Variants in ACVR2B observed in about 807,000 individuals in gnomAD.
ACVR2B encodes the protein activin A receptor type 2B, also known as activin receptor type-2B.
In ACVR2B, 18 loss-of-function variants were observed where a neutral mutation model predicts 65.1. The observed-to-expected ratio is 0.28, with a 90% CI of 0.19 to 0.41. ACVR2B has a LOEUF of 0.41. Among genes scored for constraint, ACVR2B ranks in the 10% least tolerant of loss-of-function variants. The probability of loss-of-function intolerance (pLI) is 1.00; values close to 1 mark genes in which losing one functional copy is unlikely to be tolerated. For synonymous variants in ACVR2B, 298 were observed against 277.7 expected, an observed-to-expected ratio of 1.07 and a Z score of -0.73; for missense variants, 482 against 682.7, an observed-to-expected ratio of 0.71 and a Z score of 3.28.
At position 38,454,392 on chromosome 3, in the gene ACVR2B, CG is replaced by C; in HGVS notation, c.52+19del. On this transcript the variant is annotated intron_variant, in intron 1 of 10. Transcript: ENST00000352511. ...GTGCGCCGGTAAGAACTGGGCGCGG[CG>C]CGGGGACGCCGAGAGGGCGCGCGGG... 1 of 1,248,418 alleles carries C rather than the reference CG, an allele frequency of 8.0e-7. No homozygotes were observed. Among genetic ancestry groups the C allele is most frequent in the Non-Finnish European group, 1.0e-6 (1 of 996,534 alleles). The allele number at this position is 1,248,418 out of a possible 1,614,324, so 77.3% of individuals were successfully genotyped here.
At chr3:38,462,709 A>G (rs2125714150) in intron 1 of ACVR2B, among the ~76,000 whole-genome samples, 1 of 152,332 alleles carries the variant, frequency 6.6e-6, no homozygotes. Context: ...TTAAATATAG[A>G]CTACATTTTA....
intron 1 of ACVR2B, among the ~76,000 whole-genome samples, chr3:38,458,945 G>C (rs1483795152): frequency 6.6e-6 from 1 of 152,078 alleles, no homozygotes; most frequent in Non-Finnish European, 1.5e-5. Context: ...ATATTTAGCA[G>C]TATCCCCGCC....
At chr3:38,458,294 C>T (rs1191255231) in intron 1 of ACVR2B, among the ~76,000 whole-genome samples, 2 of 152,150 alleles carry the variant, frequency 1.3e-5, no homozygotes, top group African/African-American at 4.8e-5. Context: ...TCATAGACCC[C>T]TCTGAGAATC....
Position 38,488,042 on chromosome 3 carries a change from A to G in ACVR2B, c.*4710A>G, listed in dbSNP as rs987977214. On this transcript the variant is annotated 3_prime_UTR_variant, in exon 11 of 11. Transcript: ENST00000352511. ...CCCTTCATCCTGGGCGAACAGCCAA[A>G]AAGAGAAGGGGACAAGGTGTCTTTT... is the stretch of plus-strand genomic sequence containing the variant. The G allele has an allele frequency of 2.0e-5, 3 of 152,242 alleles. No homozygotes were observed. Among genetic ancestry groups the G allele is most frequent in the African/African-American group, 7.2e-5 (3 of 41,458 alleles). 9.4% of individuals were successfully genotyped at this position (152,242 alleles called of 1,614,324 possible). A position where few individuals can be genotyped will look rare whatever the true frequency, so the allele number is the denominator to read the frequency against.
rs1394699998 is a variant in ACVR2B at position 38,492,673 on chromosome 3, A to G, written c.*9341A>G. Reference sequence around the variant, plus strand: ...AAATATATATATATATACAGAGTTAAGCTTGTTGCTGTTACCCTGTCTGGA... The same window carrying G: ...AAATATATATATATATACAGAGTTAGGCTTGTTGCTGTTACCCTGTCTGGA... On this transcript the variant is annotated 3_prime_UTR_variant, in exon 11 of 11. Transcript: ENST00000352511. 1 of 150,026 alleles carries G rather than the reference A, an allele frequency of 6.7e-6. No individual in the cohort carries two copies. The allele number at this position is 150,026 out of a possible 1,614,324, so 9.3% of individuals were successfully genotyped here.
chr3:38,480,334 C>G (rs1471628639), intron 7 of ACVR2B, among the ~76,000 whole-genome samples: 2 of 152,130 alleles, frequency 1.3e-5, no homozygotes, highest in Non-Finnish European at 2.9e-5. Flanking sequence ...TCTTAGAGAT[C>G]TTCTGGGGTC....
intron 1 of ACVR2B, among the ~76,000 whole-genome samples, chr3:38,458,117 A>G (rs1175718231): frequency 6.6e-6 from 1 of 152,112 alleles, no homozygotes. Context: ...TCTAAACCCT[A>G]TGGCCTCCCA....
chr3:38,454,368 TG>T lies in ACVR2B; in HGVS notation c.47del (p.Cys16SerfsTer58). 7.8e-7 allele frequency: 1 copy of T among 1,275,606 alleles called. No homozygotes were observed. Among genetic ancestry groups the T allele is most frequent in the Non-Finnish European group, 9.9e-7 (1 of 1,012,930 alleles). 79.0% of individuals were successfully genotyped at this position (1,275,606 alleles called of 1,614,324 possible). A position where few individuals can be genotyped will look rare whatever the true frequency, so the allele number is the denominator to read the frequency against. On this transcript the variant is annotated frameshift_variant, in exon 1 of 11. Transcript: ENST00000352511. LOFTEE classifies it high-confidence loss of function. ...VALALLWGSL[C>X]AGSGRGEAET... ...CCTCGCCCTCCTCTGGGGATCGCTG[TG>T]CGCCGGTAAGAACTGGGCGCGGCGC...
At chr3:38,480,574 CTG>C (rs1710000768) in intron 7 of ACVR2B, among the ~76,000 whole-genome samples, 1 of 152,188 alleles carries the variant, frequency 6.6e-6, no homozygotes, top group African/African-American at 2.4e-5. Flanking sequence ...GGTTCTGTGA[CTG>C]TGAGGGAGGG....
At chr3:38,454,551 T>C (rs945228153) in intron 1 of ACVR2B, 177 bp downstream of exon 1, 4 of 460,818 alleles carry the variant, frequency 8.7e-6, no homozygotes, top group South Asian at 1.1e-4. Context: ...CTCGCCGAAC[T>C]TGGGGGCACG....
In ACVR2B at chr3:38,481,015, A is replaced by C. The variant is rs1710007901; in HGVS notation, c.960-336A>C. 6.6e-6 allele frequency among the ~76,000 whole-genome samples: 1 copy of C among 152,218 alleles called. No individual in the cohort carries two copies. Among genetic ancestry groups the C allele is most frequent in the Non-Finnish European group, 1.5e-5 (1 of 68,030 alleles). ...TGTAAATTCTTCTCAGAAAACTTGC[A>C]TCCCAGGCCAGTGTGCCTGTCCACA... On this transcript the variant is annotated intron_variant, in intron 7 of 10. Transcript: ENST00000352511. The surrounding 1 kb of genome is among the most constrained non-coding windows in gnomAD (Gnocchi z 4.7).
At chr3:38,470,940 A>C (rs1252423094) in intron 1 of ACVR2B, among the ~76,000 whole-genome samples, 1 of 152,252 alleles carries the variant, frequency 6.6e-6, no homozygotes, top group Non-Finnish European at 1.5e-5. Context: ...CCCAGTAATC[A>C]TATATATAAA....
rs986032730 is a variant in ACVR2B at position 38,488,753 on chromosome 3, C to T, written c.*5421C>T. ...TCCTATGGCAGCTCATAGAGGTAAC[C>T]GAAGTGATTTTTCCTCAGTAATTGA... On this transcript the variant is annotated 3_prime_UTR_variant, in exon 11 of 11. Transcript: ENST00000352511. 2.6e-5 allele frequency: 4 copies of T among 152,102 alleles called. No homozygotes were observed. The highest frequency in any genetic ancestry group is 1.9e-4 in the East Asian group (1 of 5,190). The allele number at this position is 152,102 out of a possible 1,614,324, so 9.4% of individuals were successfully genotyped here. A position where few individuals can be genotyped will look rare whatever the true frequency, so the allele number is the denominator to read the frequency against.
Position 38,478,086 on chromosome 3 carries a change from C to T in ACVR2B, c.371-55C>T. The T allele has an allele frequency of 2.5e-6, 4 of 1,607,066 alleles. No individual in the cohort carries two copies. The South Asian group carries it at 4.4e-5, about 18-fold the overall frequency. ...GGCTACAGGGCCCTGTAGTCTGGCT[C>T]TGGAAGTGTGAGGGTGGGCAGACTG... On this transcript the variant is annotated intron_variant, in intron 3 of 10. Transcript: ENST00000352511.
chr3:38,468,132 A>C (rs888487167), intron 1 of ACVR2B, among the ~76,000 whole-genome samples: 1 of 152,158 alleles, frequency 6.6e-6, no homozygotes, highest in African/African-American at 2.4e-5. Context: ...TGCCCGTGTC[A>C]GCCTCCCAAA....
Position 38,483,527 on chromosome 3 carries a change from T to G in ACVR2B, c.*195T>G, listed in dbSNP as rs1710058248. On this transcript the variant is annotated 3_prime_UTR_variant, in exon 11 of 11. Transcript: ENST00000352511. The surrounding 1 kb of genome is among the most constrained non-coding windows in gnomAD (Gnocchi z 4.8). ...ATATTATTTTTTGGATTGGATCAGT[T>G]TTTACCAGCATATTGCTCTACTGTA... 1 of 225,714 alleles carries G rather than the reference T, an allele frequency of 4.4e-6. No individual in the cohort carries two copies. The allele number at this position is 225,714 out of a possible 1,614,324, so 14.0% of individuals were successfully genotyped here. A position where few individuals can be genotyped will look rare whatever the true frequency, so the allele number is the denominator to read the frequency against.
intron 1 of ACVR2B, among the ~76,000 whole-genome samples, chr3:38,463,890 C>T (rs1388459569): frequency 6.6e-6 from 1 of 152,162 alleles, no homozygotes; most frequent in East Asian, 1.9e-4. Flanking sequence ...AGTGATTCTT[C>T]TCTCTTGGGT....
chr3:38,487,861 G>A lies in ACVR2B; in HGVS notation c.*4529G>A, dbSNP rs1015278288. On this transcript the variant is annotated 3_prime_UTR_variant, in exon 11 of 11. Transcript: ENST00000352511. ...AGAAAAATATACTAATTGGAAAGCAGTTTCCAGGAGTTAACTCAGTTTAAT... is the reference window on the plus strand; with the variant it reads ...AGAAAAATATACTAATTGGAAAGCAATTTCCAGGAGTTAACTCAGTTTAAT... 22 of 152,210 alleles carry A rather than the reference G, an allele frequency of 1.4e-4. 1 individual carries two copies. Among genetic ancestry groups the A allele is most frequent in the African/African-American group, 4.8e-4 (20 of 41,442 alleles). The allele number at this position is 152,210 out of a possible 1,614,324, so 9.4% of individuals were successfully genotyped here.
chr3:38,462,290 CAT>C (rs1491262138), intron 1 of ACVR2B, among the ~76,000 whole-genome samples: 1 of 152,122 alleles, frequency 6.6e-6, no homozygotes, highest in African/African-American at 2.4e-5. Context: ...AAGTATAAAA[CAT>C]ATACAGAAGA....
Sources: allele counts gnomAD v4.1 joint callset (sites outside exome capture counted in the v4.1 genomes callset), GRCh38; gene constraint gnomAD v4.1.1; non-coding constraint Gnocchi (gnomAD v3.1); transcripts MANE v1.5; gene names NCBI Gene and HGNC (gene_info 2026-07-23, HGNC 2026-07-21).